SRPK1: variants seen among roughly 807,000 people sequenced by gnomAD.
The protein encoded by SRPK1 is SFRS protein kinase 1.
In SRPK1, 52 loss-of-function variants were observed where a neutral mutation model predicts 89.5. That is an observed-to-expected ratio of 0.58 (90% CI 0.46 to 0.73). The LOEUF is 0.73. SRPK1 is among the 30% of genes least tolerant of loss of function. The probability of loss-of-function intolerance (pLI) is 0.00; values close to 1 mark genes in which losing one functional copy is unlikely to be tolerated. For missense variants in SRPK1, 603 were observed against 780.6 expected (o/e 0.77, Z 2.71); for synonymous variants, 255 against 270.2 (o/e 0.94, Z 0.55).
intron 13 of SRPK1, among the ~76,000 whole-genome samples, chr6:35,856,122 G>C (rs530300254): frequency 1.3e-5 from 2 of 152,342 alleles, no homozygotes; most frequent in South Asian, 4.1e-4. Context: ...CCAGGGAAGG[G>C]AGGGAAAGCT....
At chr6:35,899,821 G>A (rs917546795) in intron 2 of SRPK1, among the ~76,000 whole-genome samples, 36 of 151,942 alleles carry the variant, frequency 2.4e-4, no homozygotes, top group African/African-American at 8.0e-4. Context: ...GGCCAACTTG[G>A]CAAAACCCCA....
intron 13 of SRPK1, among the ~76,000 whole-genome samples, chr6:35,844,244 C>T (rs1769380742): frequency 6.6e-6 from 1 of 152,072 alleles, no homozygotes; most frequent in Admixed American, 6.6e-5. Context: ...ACCTCGTGAT[C>T]CGCCTGCCTC....
intron 2 of SRPK1, among the ~76,000 whole-genome samples, chr6:35,901,560 T>C (rs1471747267): frequency 2.0e-5 from 3 of 152,210 alleles, no homozygotes; most frequent in Non-Finnish European, 4.4e-5. Context: ...TACAGAAGAC[T>C]GAAGAAAACC....
chr6:35,843,031 C>T (rs7776342), intron 13 of SRPK1, among the ~76,000 whole-genome samples: 47,276 of 150,238 alleles, frequency 0.31, 7,651 homozygotes, highest in South Asian at 0.42. Flanking sequence ...TGCAGTGGCA[C>T]GGTCTCGGCT....
chr6:35,877,333 T>A (rs569882002), intron 6 of SRPK1, among the ~76,000 whole-genome samples: 2 of 152,238 alleles, frequency 1.3e-5, no homozygotes, highest in East Asian at 3.9e-4. Context: ...CTCAAGAAGA[T>A]TTATAGAAAT....
At chr6:35,863,471 T>A (rs553096232) in intron 12 of SRPK1, among the ~76,000 whole-genome samples, 22 of 146,110 alleles carry the variant, frequency 1.5e-4, no homozygotes, top group East Asian at 1.2e-3. Flanking sequence ...AAAAAAAAAA[T>A]TAATTAATTA....
chr6:35,840,659 G>T (rs1769287033), intron 14 of SRPK1, among the ~76,000 whole-genome samples: 1 of 152,138 alleles, frequency 6.6e-6, no homozygotes, highest in African/African-American at 2.4e-5. Context: ...AAAATTATCA[G>T]GTATTATCCC....
At chr6:35,893,227 G>A (rs1352145305) in intron 2 of SRPK1, among the ~76,000 whole-genome samples, 1 of 152,188 alleles carries the variant, frequency 6.6e-6, no homozygotes, top group Non-Finnish European at 1.5e-5. Flanking sequence ...GCTCACACCT[G>A]TAATCCCAGC....
intron 13 of SRPK1, among the ~76,000 whole-genome samples, chr6:35,843,724 C>G (rs1026027397): frequency 2.6e-5 from 4 of 152,154 alleles, no homozygotes; most frequent in South Asian, 2.1e-4. Flanking sequence ...GCTGGGATTA[C>G]AGGCGTGAGC....
chr6:35,892,601 G>A (rs989461687), intron 2 of SRPK1, among the ~76,000 whole-genome samples: 13 of 151,690 alleles, frequency 8.6e-5, no homozygotes, highest in Non-Finnish European at 1.6e-4. Flanking sequence ...ACAGTGAGCC[G>A]AAATCGCGTC....
In SRPK1 at chr6:35,835,170, G is replaced by A; in HGVS notation, c.*134C>T. 2.4e-6 allele frequency: 2 copies of A among 845,086 alleles called. No homozygotes were observed. Among genetic ancestry groups the A allele is most frequent in the Non-Finnish European group, 3.5e-6 (2 of 567,076 alleles). The allele number at this position is 845,086 out of a possible 1,614,324, so 52.3% of individuals were successfully genotyped here. ...CAAGTAAGCAAACCCAAATGAACAT[G>A]TTGGATTAAAAAAAAAACAAGATCT... On this transcript the variant is annotated 3_prime_UTR_variant, in exon 16 of 16. Transcript: ENST00000373825.
At chr6:35,856,025 C>A (rs528161313) in intron 13 of SRPK1, among the ~76,000 whole-genome samples, 1 of 152,274 alleles carries the variant, frequency 6.6e-6, no homozygotes, top group East Asian at 1.9e-4. Flanking sequence ...CCGTGGCCAG[C>A]CCCTATATAG....
chr6:35,844,958 A>G (rs1769395017), intron 13 of SRPK1, among the ~76,000 whole-genome samples: 1 of 152,190 alleles, frequency 6.6e-6, no homozygotes, highest in Non-Finnish European at 1.5e-5. Context: ...AGAAAATGAA[A>G]TACTCTTCAG....
intron 12 of SRPK1, among the ~76,000 whole-genome samples, chr6:35,857,830 T>C (rs1411032192): frequency 1.3e-5 from 2 of 152,194 alleles, no homozygotes; most frequent in African/African-American, 2.4e-5. Flanking sequence ...TTCTGTGCCT[T>C]TATTGGGATG....
chr6:35,906,937 T>C (rs1034895463), intron 2 of SRPK1, among the ~76,000 whole-genome samples: 1 of 152,220 alleles, frequency 6.6e-6, no homozygotes, highest in Non-Finnish European at 1.5e-5. Flanking sequence ...ATCTGTCAAC[T>C]CTCTCTCTGG....
chr6:35,920,381 C>T, intron 2 of SRPK1, 87 bp downstream of exon 2: 1 of 1,506,348 alleles, frequency 6.6e-7, no homozygotes, highest in Non-Finnish European at 9.2e-7. Flanking sequence ...GGTGCCCAAA[C>T]CCGGTGCACG....
intron 13 of SRPK1, among the ~76,000 whole-genome samples, chr6:35,854,994 C>T (rs909528547): frequency 2.6e-5 from 4 of 152,106 alleles, no homozygotes; most frequent in Non-Finnish European, 5.9e-5. Flanking sequence ...TCAGACAGTT[C>T]ACCAGCTTTA....
At chr6:35,904,035 C>G (rs1014208437) in intron 2 of SRPK1, among the ~76,000 whole-genome samples, 1 of 151,630 alleles carries the variant, frequency 6.6e-6, no homozygotes, top group Non-Finnish European at 1.5e-5. Context: ...AACTCCTAAG[C>G]TTAAGTGATC....
At chr6:35,855,077 G>A (rs1208305817) in intron 13 of SRPK1, among the ~76,000 whole-genome samples, 2 of 152,020 alleles carry the variant, frequency 1.3e-5, no homozygotes, top group East Asian at 1.9e-4. Context: ...AGAAGTGGGC[G>A]GATCACAAGG....
Sources: allele counts gnomAD v4.1 joint callset (sites outside exome capture counted in the v4.1 genomes callset), GRCh38; gene constraint gnomAD v4.1.1; transcripts MANE v1.5; gene names NCBI Gene and HGNC (gene_info 2026-07-23, HGNC 2026-07-21).